HEATR5A: variants seen among roughly 807,000 people sequenced by gnomAD.
HEATR5A encodes HEAT repeat-containing protein 5A.
In HEATR5A, 178 loss-of-function variants were observed where a neutral mutation model predicts 218.8. The observed-to-expected ratio is 0.81, with a 90% CI of 0.72 to 0.92. The LOEUF (loss-of-function observed/expected upper bound fraction) is 0.92. Among genes scored for constraint, HEATR5A ranks in the 40% least tolerant of loss-of-function variants. The pLI is 0.00. For synonymous variants in HEATR5A, 864 were observed against 871.6 expected, an observed-to-expected ratio of 0.99 and a Z score of 0.15; for missense variants, 2,420 against 2,418.9, an observed-to-expected ratio of 1.00 and a Z score of -0.01.
In HEATR5A at chr14:31,394,542, A is replaced by G. The variant is rs192758768; in HGVS notation, c.598-316T>C. On this transcript the variant is annotated intron_variant, in intron 5 of 35. Coordinates refer to ENST00000543095, the MANE Select transcript of HEATR5A (RefSeq NM_015473.4). ...AACATTAAAAAAACTCTGGCTGGGC[A>G]CGGAGGCTCACACCTGTAATCCCAG... Among the ~76,000 whole-genome samples the G allele has an allele frequency of 7.8e-3, 1,181 of 152,224 alleles. 3 individuals are homozygous for G. The highest frequency in any genetic ancestry group is 0.011 in the Non-Finnish European group (734 of 68,012).
At chr14:31,399,012 T>G (rs2030766309) in intron 3 of HEATR5A, among the ~76,000 whole-genome samples, 1 of 148,646 alleles carries the variant, frequency 6.7e-6, no homozygotes, top group Non-Finnish European at 1.5e-5. Context: ...AAAGCCAAGG[T>G]CACAAAGATT....
chr14:31,315,875 A>T lies in HEATR5A; in HGVS notation c.4113T>A (p.Val1371=). Residue 1371 remains valine (V), a synonymous_variant, in exon 27 of 36, where the codon GTT becomes GTA. Transcript: ENST00000543095. ...CAGCCTGTATTTTAGTTAACGATGA[A>T]ACAAGCAACTGATGAACTCTTCGGA... ...NDLRRVHQLL[V]SSLTKIQAGK... The T allele has an allele frequency of 6.2e-7, 1 of 1,603,756 alleles. No homozygotes were observed. The highest frequency in any genetic ancestry group is 2.2e-5 in the East Asian group (1 of 44,664).
intron 1 of HEATR5A, among the ~76,000 whole-genome samples, chr14:31,416,411 C>T (rs753250550): frequency 1.8e-4 from 28 of 152,214 alleles, no homozygotes; most frequent in African/African-American, 3.6e-4. Context: ...CATGAGCCAC[C>T]GCATCTGGTC....
intron 11 of HEATR5A, 48 bp from the exon 12 acceptor site, chr14:31,375,016 C>A: frequency 7.0e-7 from 1 of 1,437,894 alleles, no homozygotes; most frequent in Non-Finnish European, 9.4e-7. Context: ...AAGGTTGTCA[C>A]TCTTTAAAAC....
At chr14:31,377,047 C>A (rs1382544771) in intron 11 of HEATR5A, among the ~76,000 whole-genome samples, 2 of 151,114 alleles carry the variant, frequency 1.3e-5, no homozygotes, top group African/African-American at 4.9e-5. Context: ...ACTGCTTGAG[C>A]CTGGCATTCA....
chr14:31,418,494 T>C lies in HEATR5A; in HGVS notation c.-75+1978A>G, dbSNP rs115884685. Among the ~76,000 whole-genome samples the C allele has an allele frequency of 4.4e-3, 675 of 152,354 alleles. 4 individuals are homozygous for C. Among genetic ancestry groups the C allele is most frequent in the African/African-American group, 0.015 (642 of 41,580 alleles). On this transcript the variant is annotated intron_variant, in intron 1 of 35. Transcript: ENST00000543095. ...GCAGATTTGACCCACAGGCTGTAGA[T>C]TGCTGAGCACTATTTTAATTCAAAA...
Position 31,383,672 on chromosome 14 carries a change from G to A in HEATR5A, c.1445C>T (p.Ser482Phe), listed in dbSNP as rs769035293. 3 of 1,613,850 alleles carry A rather than the reference G, an allele frequency of 1.9e-6. No individual in the cohort carries two copies. In the African/African-American group the frequency reaches 4.0e-5, roughly 22 times the overall value. ...ACGATCCAAGAGTGGTGTTAGGTAG[G>A]AGGGTAATGCCACGGCAATGCAGTG... is the stretch of plus-strand genomic sequence containing the variant. ...CLHCIAVALP[S>F]YLTPLLDRCL... The change falls in exon 10 of 36, where the codon TCC (serine) becomes TTC (phenylalanine). Residue 482 changes from serine to phenylalanine, a missense_variant. Physicochemically the swap from Ser to Phe is radical, Grantham distance 155. Coordinates refer to ENST00000543095, the MANE Select transcript of HEATR5A (RefSeq NM_015473.4).
chr14:31,401,015 A>G (rs1462472740), intron 2 of HEATR5A, among the ~76,000 whole-genome samples: 2 of 151,300 alleles, frequency 1.3e-5, no homozygotes, highest in Non-Finnish European at 2.9e-5. Context: ...AATTTTTTGT[A>G]TTTTCAGTAC....
chr14:31,393,708 T>C (rs1290157494), intron 6 of HEATR5A, among the ~76,000 whole-genome samples: 1 of 152,230 alleles, frequency 6.6e-6, no homozygotes, highest in Non-Finnish European at 1.5e-5. Flanking sequence ...GCTGAGATTG[T>C]GCAGTGGCGC....
chr14:31,347,214 T>A (rs181508701), intron 19 of HEATR5A, among the ~76,000 whole-genome samples: 9 of 152,310 alleles, frequency 5.9e-5, no homozygotes, highest in African/African-American at 2.2e-4. Context: ...TATTTATTAC[T>A]ATTATTATTA....
At chr14:31,368,156 C>T (rs1901874642) in intron 13 of HEATR5A, among the ~76,000 whole-genome samples, 1 of 151,926 alleles carries the variant, frequency 6.6e-6, no homozygotes, top group Admixed American at 6.6e-5. Flanking sequence ...AAGGGCTTCA[C>T]GGAGGGAGTT....
chr14:31,409,842 G>A (rs182183908), intron 1 of HEATR5A, among the ~76,000 whole-genome samples: 1 of 152,194 alleles, frequency 6.6e-6, no homozygotes, highest in Non-Finnish European at 1.5e-5. Flanking sequence ...GGTCCTGATA[G>A]AAACTGCTAA....
At chr14:31,359,133 A>C (rs1236054107) in intron 14 of HEATR5A, 76 bp from the exon 15 acceptor site, 7 of 1,413,074 alleles carry the variant, frequency 5.0e-6, no homozygotes, top group Admixed American at 2.4e-5. Flanking sequence ...ACTCAGGTTG[A>C]GCTTTAATGC....
intron 22 of HEATR5A, 113 bp downstream of exon 22, chr14:31,337,363 A>G: frequency 1.3e-6 from 1 of 779,272 alleles, no homozygotes; most frequent in East Asian, 2.7e-5. Context: ...TCTTTCTTGT[A>G]GCAGGTTTAA....
intron 1 of HEATR5A, among the ~76,000 whole-genome samples, chr14:31,410,486 C>T (rs528509438): frequency 6.6e-6 from 1 of 152,302 alleles, no homozygotes; most frequent in Non-Finnish European, 1.5e-5. Context: ...AAAACAGGAA[C>T]TCACCAGTTA....
intron 1 of HEATR5A, among the ~76,000 whole-genome samples, chr14:31,414,917 T>C (rs1285094054): frequency 6.6e-6 from 1 of 152,138 alleles, no homozygotes; most frequent in African/African-American, 2.4e-5. Flanking sequence ...CTCAGCTCAT[T>C]GCAACCTCTG....
intron 25 of HEATR5A, chr14:31,320,660 T>C: frequency 4.9e-6 from 3 of 608,842 alleles, no homozygotes; most frequent in South Asian, 4.8e-5. Context: ...GCTTTAGCCC[T>C]TGGTCTCAGC....
chr14:31,296,081 A>T lies in HEATR5A; in HGVS notation c.5465-18T>A, dbSNP rs1296224184. On this transcript the variant is annotated intron_variant, in intron 33 of 35. Transcript: ENST00000543095. Reference sequence around the variant, plus strand: ...TTCATCAACTAAAGAGAAATGCTCTATTAGAAACAGTTCATATTTACTGCT... The same window carrying T: ...TTCATCAACTAAAGAGAAATGCTCTTTTAGAAACAGTTCATATTTACTGCT... The T allele has an allele frequency of 6.2e-7, 1 of 1,608,272 alleles. No homozygotes were observed. The highest frequency in any genetic ancestry group is 1.7e-5 in the Admixed American group (1 of 59,716).
chr14:31,295,802 A>C, intron 34 of HEATR5A, 107 bp downstream of exon 34: 1 of 815,118 alleles, frequency 1.2e-6, no homozygotes, highest in Non-Finnish European at 2.0e-6. Flanking sequence ...AAATAAAAAA[A>C]TTGTAGTCTA....
Sources: allele counts gnomAD v4.1 joint callset (sites outside exome capture counted in the v4.1 genomes callset), GRCh38; gene constraint gnomAD v4.1.1; transcripts MANE v1.5; gene names NCBI Gene and HGNC (gene_info 2026-07-23, HGNC 2026-07-21).